The following SNTG1 variants were observed in gnomAD, a reference collection of about 807,000 sequenced individuals.
The protein encoded by SNTG1 is syntrophin gamma 1, also known as gamma-1-syntrophin.
SNTG1 carries 39 observed loss-of-function variants against 74.7 expected under a neutral mutation model. The observed-to-expected ratio is 0.52, with a 90% CI of 0.40 to 0.68. The LOEUF (loss-of-function observed/expected upper bound fraction) is 0.68. SNTG1 is among the 30% of genes least tolerant of loss of function. SNTG1 has a pLI of 0.00. For synonymous variants in SNTG1, 254 were observed against 217.1 expected (o/e 1.17, Z -1.49); for missense variants, 685 against 609.5 (o/e 1.12, Z -1.30).
chr8:50,615,430 A>G (rs942514501), intron 13 of SNTG1, among the ~76,000 whole-genome samples: 1 of 152,234 alleles, frequency 6.6e-6, no homozygotes, highest in African/African-American at 2.4e-5. Context: ...CATGGGGAGA[A>G]AACTATTCTG....
chr8:50,477,738 A>G (rs952127495), intron 8 of SNTG1, among the ~76,000 whole-genome samples: 2 of 152,184 alleles, frequency 1.3e-5, no homozygotes, highest in South Asian at 2.1e-4. Context: ...TGTGGGGTAC[A>G]TGGGAACTCT....
At chr8:50,117,727 T>C (rs1236434568) in intron 1 of SNTG1, among the ~76,000 whole-genome samples, 1 of 152,194 alleles carries the variant, frequency 6.6e-6, no homozygotes, top group Non-Finnish European at 1.5e-5. Flanking sequence ...TTACTTATTC[T>C]CTCTGTTACC....
chr8:50,120,791 T>A (rs552773171), intron 1 of SNTG1, among the ~76,000 whole-genome samples: 1 of 142,600 alleles, frequency 7.0e-6, no homozygotes, highest in East Asian at 2.0e-4. Context: ...CATATTTCAC[T>A]TAATCAAAAA....
intron 8 of SNTG1, among the ~76,000 whole-genome samples, chr8:50,454,277 A>C (rs746763597): frequency 2.5e-4 from 38 of 151,948 alleles, no homozygotes; most frequent in Non-Finnish European, 4.7e-4. Flanking sequence ...TGGGCAGATC[A>C]CGAGGTCAGG....
chr8:50,371,280 C>T (rs1465379031), intron 2 of SNTG1, among the ~76,000 whole-genome samples: 2 of 152,248 alleles, frequency 1.3e-5, no homozygotes, highest in African/African-American at 2.4e-5. Flanking sequence ...GCCATAAAGT[C>T]GGGTGTGCAC....
At chr8:49,991,084 C>A (rs1813639306) in intron 1 of SNTG1, among the ~76,000 whole-genome samples, 1 of 152,072 alleles carries the variant, frequency 6.6e-6, no homozygotes, top group East Asian at 1.9e-4. Flanking sequence ...AGAGCTTTTA[C>A]AACTCAATAA....
At chr8:50,070,015 G>A (rs1821227815) in intron 1 of SNTG1, among the ~76,000 whole-genome samples, 1 of 152,050 alleles carries the variant, frequency 6.6e-6, no homozygotes, top group Admixed American at 6.6e-5. Context: ...TTGTGGGGCT[G>A]TATTGGCAGT....
intron 18 of SNTG1, among the ~76,000 whole-genome samples, chr8:50,771,554 C>T (rs2095627179): frequency 6.6e-6 from 1 of 151,936 alleles, no homozygotes; most frequent in African/African-American, 2.4e-5. Context: ...AATTTGCAGA[C>T]CAATTATATA....
chr8:50,687,675 C>T (rs2095358578), intron 15 of SNTG1, among the ~76,000 whole-genome samples: 1 of 152,206 alleles, frequency 6.6e-6, no homozygotes, highest in Admixed American at 6.5e-5. Context: ...CACCCGTTAA[C>T]TCGTCATTAA....
intron 12 of SNTG1, among the ~76,000 whole-genome samples, chr8:50,556,802 C>G (rs1051455601): frequency 2.0e-5 from 3 of 152,148 alleles, no homozygotes; most frequent in African/African-American, 7.2e-5. Flanking sequence ...TGCGTTGGCT[C>G]CATAGTGAGC....
chr8:50,678,637 C>CT (rs11376290), intron 15 of SNTG1, among the ~76,000 whole-genome samples: 3 of 151,896 alleles, frequency 2.0e-5, no homozygotes, highest in Non-Finnish European at 4.4e-5. Context: ...AAAATTTTGT[C>CT]CATACATGAT....
At chr8:50,004,923 T>C (rs915584240) in intron 1 of SNTG1, among the ~76,000 whole-genome samples, 6 of 152,202 alleles carry the variant, frequency 3.9e-5, no homozygotes, top group Admixed American at 3.3e-4. Flanking sequence ...TGTAAGATTA[T>C]TGCACTGCTG....
At chr8:50,146,864 C>A (rs184863540) in intron 1 of SNTG1, among the ~76,000 whole-genome samples, 24 of 150,354 alleles carry the variant, frequency 1.6e-4, no homozygotes, top group Admixed American at 4.0e-4. Flanking sequence ...ATTTTTTGTT[C>A]TTTTTTTTTC....
At chr8:50,527,973 C>A (rs1471621673) in intron 9 of SNTG1, among the ~76,000 whole-genome samples, 1 of 151,742 alleles carries the variant, frequency 6.6e-6, no homozygotes. Flanking sequence ...TTATTGCCAA[C>A]ACATAAAATA....
At chr8:50,698,901 A>G (rs545671077) in intron 15 of SNTG1, among the ~76,000 whole-genome samples, 1 of 152,194 alleles carries the variant, frequency 6.6e-6, no homozygotes, top group South Asian at 2.1e-4. Context: ...CATATTGGGA[A>G]TTTACTCTCT....
chr8:50,777,596 A>G (rs2095644673), intron 18 of SNTG1, among the ~76,000 whole-genome samples: 1 of 151,712 alleles, frequency 6.6e-6, no homozygotes, highest in South Asian at 2.1e-4. Context: ...ATATTTGTCA[A>G]CTGATTCTAA....
chr8:50,601,176 A>AAAAAAAAAAAAAC (rs2094772028), intron 13 of SNTG1, among the ~76,000 whole-genome samples: 1 of 148,662 alleles, frequency 6.7e-6, no homozygotes, highest in African/African-American at 2.5e-5. Flanking sequence ...AAAAAAAAAA[A>AAAAAAAAAAAAAC]AAAAAAAAGA....
intron 1 of SNTG1, among the ~76,000 whole-genome samples, chr8:50,042,304 C>T (rs1818703578): frequency 6.6e-6 from 1 of 152,170 alleles, no homozygotes; most frequent in African/African-American, 2.4e-5. Context: ...ACAGCCCACC[C>T]CCAGGGTGCT....
At chr8:50,491,287 G>A (rs561263121) in intron 8 of SNTG1, 2 of 152,396 alleles carry the variant, frequency 1.3e-5, no homozygotes, top group East Asian at 3.9e-4. Flanking sequence ...TAGAAAGAAT[G>A]ACATATTCCT....
Sources: gnomAD v4.1 joint callset for allele counts (sites outside exome capture counted in the v4.1 genomes callset) on GRCh38, gnomAD v4.1.1 for gene constraint, MANE v1.5 for transcripts, NCBI Gene and HGNC (gene_info 2026-07-23, HGNC 2026-07-21) for gene names.